KDM5A: variants seen among roughly 807,000 people sequenced by gnomAD.
The protein encoded by KDM5A is lysine demethylase 5A.
KDM5A carries 42 observed loss-of-function variants against 193.5 expected under a neutral mutation model. The observed-to-expected ratio is 0.22, with a 90% CI of 0.17 to 0.28. KDM5A has a LOEUF of 0.28. Ranked by LOEUF, KDM5A falls within the 10% of genes least tolerant of loss-of-function variation. The probability of loss-of-function intolerance (pLI) is 1.00; values close to 1 mark genes in which losing one functional copy is unlikely to be tolerated. For synonymous variants in KDM5A, 796 were observed against 718.1 expected, an observed-to-expected ratio of 1.11 and a Z score of -1.73; for missense variants, 1,692 against 2,055.1, an observed-to-expected ratio of 0.82 and a Z score of 3.42.
chr12:346,035 AGAAAG>A lies in KDM5A; in HGVS notation c.1308+4581_1308+4585del, dbSNP rs200494920. On this transcript the variant is annotated intron_variant, in intron 10 of 27. Transcript: ENST00000399788. ...AGACCACGAGCAAGACTAATAAAAA[AGAAAG>A]GAGAGAAGAATCAAATAGATGCAAT... Among the ~76,000 whole-genome samples, 2,343 of 152,322 alleles carry A rather than the reference AGAAAG, an allele frequency of 0.015. 103 individuals carry two copies. The South Asian group carries it at 0.16, about 10-fold the overall frequency.
At chr12:299,648 C>G (rs1943417863) in intron 24 of KDM5A, among the ~76,000 whole-genome samples, 1 of 152,068 alleles carries the variant, frequency 6.6e-6, no homozygotes, top group Admixed American at 6.6e-5. Flanking sequence ...AACTAACAGG[C>G]AAAATAACCA....
chr12:323,210 C>CAAAAAAAAAAAAAAAGAAAAAAAAAAAAA lies in KDM5A; in HGVS notation c.2151-5_2151-4insTTTTTTTTTTTTTCTTTTTTTTTTTTTTT. 1 of 294,574 alleles carries CAAAAAAAAAAAAAAAGAAAAAAAAAAAAA rather than the reference C, an allele frequency of 3.4e-6. No individual in the cohort carries two copies. The highest frequency in any genetic ancestry group is 8.3e-5 in the East Asian group (1 of 12,096). The allele number at this position is 294,574 out of a possible 1,614,324, so 18.2% of individuals were successfully genotyped here. Reference sequence around the variant, plus strand: ...GTCTTCTAATGGGTAGCGATATCTACAAAAAAAAAAAAAAAAAAAAAAAAA... The same window carrying CAAAAAAAAAAAAAAAGAAAAAAAAAAAAA: ...GTCTTCTAATGGGTAGCGATATCTACAAAAAAAAAAAAAAAGAAAAAAAAAAAAAAAAAAAAAAAAAAAAAAAAAAAAAA... On this transcript the variant is annotated splice_region_variant and splice_polypyrimidine_tract_variant and intron_variant, in intron 15 of 27. Coordinates refer to ENST00000399788, the MANE Select transcript of KDM5A (RefSeq NM_001042603.3).
intron 10 of KDM5A, among the ~76,000 whole-genome samples, chr12:346,765 T>C (rs1405047275): frequency 6.6e-6 from 1 of 152,138 alleles, no homozygotes; most frequent in Admixed American, 6.6e-5. Context: ...GGAATGTATC[T>C]CAAAATAATA....
At chr12:310,652 G>T (rs766048081) in intron 21 of KDM5A, among the ~76,000 whole-genome samples, 36 of 151,920 alleles carry the variant, frequency 2.4e-4, no homozygotes, top group Admixed American at 1.4e-3. Flanking sequence ...AGAACAAAAC[G>T]ATTTCAATGA....
chr12:298,079 G>C (rs1444865035), intron 24 of KDM5A, among the ~76,000 whole-genome samples: 1 of 152,200 alleles, frequency 6.6e-6, no homozygotes, highest in East Asian at 1.9e-4. Flanking sequence ...CAGCTCCCTG[G>C]GACAGAGCAC....
At position 389,012 on chromosome 12, in the gene KDM5A, T is replaced by G; in HGVS notation, c.80A>C (p.Glu27Ala). The change falls in exon 1 of 28, where the codon GAG becomes GCG. Residue 27 changes from glutamate (E) to alanine (A), a missense_variant. Physicochemically the swap from Glu to Ala is moderately radical, Grantham distance 107. This residue lies in a region of KDM5A where 84 missense variants were observed against 68.2 expected (regional missense o/e 1.23). Coordinates refer to ENST00000399788, the MANE Select transcript of KDM5A (RefSeq NM_001042603.3). The stretch of plus-strand genomic sequence containing the variant: ...AAAGCTGAGCGGATCTGTGAACTCC[T>G]CCCAACTCGGCTCAAAGACGGGGCA... ...PECPVFEPSWEEFTDPLSFIG... is the reference protein window; with the variant it reads ...PECPVFEPSWAEFTDPLSFIG... 20 of 1,514,928 alleles carry G rather than the reference T, an allele frequency of 1.3e-5. No individual in the cohort carries two copies. Among genetic ancestry groups the G allele is most frequent in the Non-Finnish European group, 1.8e-5 (20 of 1,119,526 alleles). 93.8% of individuals were successfully genotyped at this position (1,514,928 alleles called of 1,614,324 possible).
intron 21 of KDM5A, among the ~76,000 whole-genome samples, chr12:310,627 C>G (rs1263913119): frequency 1.3e-5 from 2 of 152,118 alleles, no homozygotes; most frequent in African/African-American, 4.8e-5. Context: ...GGGCAAGACC[C>G]TGTCTCAAAA....
In KDM5A at chr12:297,083, C is replaced by T; in HGVS notation, c.4192G>A (p.Ala1398Thr). The change falls in exon 25 of 28, where the codon GCA becomes ACA. Residue 1398 changes from alanine (A) to threonine (T), a missense_variant. Coordinates refer to ENST00000399788, the MANE Select transcript of KDM5A (RefSeq NM_001042603.3). ...THMWTAPSFC[A>T]EHAYSSASKS... Reference sequence around the variant, plus strand: ...GAAGCAGAAGAATAAGCATGCTCTGCACAAAATGAAGGTGCTGTCCACATG... The same window carrying T: ...GAAGCAGAAGAATAAGCATGCTCTGTACAAAATGAAGGTGCTGTCCACATG... The T allele has an allele frequency of 6.2e-7, 1 of 1,614,048 alleles. No homozygotes were observed. The highest frequency in any genetic ancestry group is 1.7e-4 in the Middle Eastern group (1 of 6,058).
chr12:382,917 G>C (rs1362455235), intron 3 of KDM5A, among the ~76,000 whole-genome samples: 3 of 151,654 alleles, frequency 2.0e-5, no homozygotes, highest in Admixed American at 6.6e-5. Context: ...GGACACAAGA[G>C]CAAAACTCCA....
At chr12:337,040 C>T (rs979793526) in intron 10 of KDM5A, among the ~76,000 whole-genome samples, 4 of 152,040 alleles carry the variant, frequency 2.6e-5, no homozygotes, top group South Asian at 2.1e-4. Context: ...GGAAGGTGAC[C>T]GGATCATGTG....
At chr12:386,326 CA>C (rs1944637139) in intron 1 of KDM5A, among the ~76,000 whole-genome samples, 1 of 152,068 alleles carries the variant, frequency 6.6e-6, no homozygotes, top group African/African-American at 2.4e-5. Flanking sequence ...TAATTTTATG[CA>C]ATATTTTTAA....
At chr12:350,906 A>T (rs985820624) in intron 9 of KDM5A, 127 bp from the exon 10 acceptor site, 9 of 829,830 alleles carry the variant, frequency 1.1e-5, no homozygotes, top group African/African-American at 1.7e-5. Context: ...TCCCTAGAGC[A>T]GTAAAGACCG....
At chr12:310,272 A>G (rs1216494533) in intron 21 of KDM5A, among the ~76,000 whole-genome samples, 1 of 152,186 alleles carries the variant, frequency 6.6e-6, no homozygotes, top group Non-Finnish European at 1.5e-5. Flanking sequence ...CTTAACTACT[A>G]TGTTCAACTG....
At chr12:388,185 T>A (rs1190854536) in intron 1 of KDM5A, 1 of 419,666 alleles carries the variant, frequency 2.4e-6, no homozygotes, top group Non-Finnish European at 4.8e-6. Flanking sequence ...CTCAACCTCT[T>A]GGGGCATTAA....
intron 10 of KDM5A, among the ~76,000 whole-genome samples, chr12:336,275 C>T (rs775904879): frequency 1.3e-5 from 2 of 150,108 alleles, no homozygotes; most frequent in Non-Finnish European, 3.0e-5. Context: ...GGGAGGATCC[C>T]GTGAGCCCGG....
At chr12:332,068 T>C (rs1009681244) in intron 12 of KDM5A, 130 bp from the exon 13 acceptor site, 2 of 816,324 alleles carry the variant, frequency 2.5e-6, no homozygotes, top group Admixed American at 2.2e-5. Context: ...AAGTTACACA[T>C]ATCAGAAAAT....
In KDM5A at chr12:323,208, TACAAAA is replaced by T; in HGVS notation, c.2151-8_2151-3del. On this transcript the variant is annotated splice_region_variant and splice_polypyrimidine_tract_variant and intron_variant, in intron 15 of 27. Transcript: ENST00000399788. ...AGGTCTTCTAATGGGTAGCGATATC[TACAAAA>T]AAAAAAAAAAAAAAAAAAAAAAAAA... 1 of 105,064 alleles carries T rather than the reference TACAAAA, an allele frequency of 9.5e-6. No individual in the cohort carries two copies. The highest frequency in any genetic ancestry group is 1.8e-5 in the Non-Finnish European group (1 of 55,724). The allele number at this position is 105,064 out of a possible 1,614,324, so 6.5% of individuals were successfully genotyped here.
At chr12:318,572 A>G in intron 18 of KDM5A, 111 bp from the exon 19 acceptor site, 2 of 731,640 alleles carry the variant, frequency 2.7e-6, no homozygotes, top group South Asian at 3.1e-5. Context: ...TTATAATCTC[A>G]CCATCATAAC....
chr12:296,322 C>CAAAA (rs973972360), intron 25 of KDM5A, among the ~76,000 whole-genome samples: 3 of 107,378 alleles, frequency 2.8e-5, no homozygotes, highest in East Asian at 2.5e-4. Context: ...AACTCCATCT[C>CAAAA]AAAAAAAAAA....
Sources: gnomAD v4.1 joint callset for allele counts (sites outside exome capture counted in the v4.1 genomes callset) on GRCh38, gnomAD v4.1.1 for gene constraint, gnomAD v4.1.1 regional missense constraint, MANE v1.5 for transcripts, NCBI Gene and HGNC (gene_info 2026-07-23, HGNC 2026-07-21) for gene names.